SLCO3A1: variants seen among roughly 807,000 people sequenced by gnomAD.
The protein encoded by SLCO3A1 is solute carrier organic anion transporter family member 3A1.
Under a neutral mutation model 63.1 loss-of-function variants are expected in SLCO3A1, and 27 were observed. The observed-to-expected ratio is 0.43, with a 90% CI of 0.32 to 0.59. SLCO3A1 has a LOEUF of 0.59. Among genes scored for constraint, SLCO3A1 ranks in the 20% least tolerant of loss-of-function variants. The pLI, the probability that SLCO3A1 is intolerant of heterozygous loss-of-function variation, is 0.09. For synonymous variants in SLCO3A1, 473 were observed against 409.9 expected (o/e 1.15, Z -1.86); for missense variants, 773 against 945.8 (o/e 0.82, Z 2.40).
intron 1 of SLCO3A1, chr15:91,889,319 T>C (rs77947211): frequency 0.034 from 14,932 of 439,076 alleles, 604 homozygotes; most frequent in Admixed American, 0.11. Flanking sequence ...CTATCTCCCC[T>C]AAGGCTGTTA....
chr15:91,996,668 C>A (rs2046195965), intron 2 of SLCO3A1, among the ~76,000 whole-genome samples: 1 of 151,992 alleles, frequency 6.6e-6, no homozygotes, highest in Admixed American at 6.5e-5. Context: ...ATTTGAACTG[C>A]CTAATGTGCT....
intron 2 of SLCO3A1, among the ~76,000 whole-genome samples, chr15:92,044,441 C>A (rs2046835900): frequency 6.6e-6 from 1 of 152,070 alleles, no homozygotes; most frequent in Non-Finnish European, 1.5e-5. Flanking sequence ...CCTGCCACAT[C>A]CTCATTCTCT....
At chr15:92,165,956 A>C, downstream of SLCO3A1, 1 of 934,760 alleles carries the variant, frequency 1.1e-6, no homozygotes, top group Non-Finnish European at 1.3e-6. Context: ...TCAGCTGAAC[A>C]TGCCCAGGGT....
intron 7 of SLCO3A1, among the ~76,000 whole-genome samples, chr15:92,143,916 T>C (rs1236484141): frequency 6.6e-6 from 1 of 152,148 alleles, no homozygotes; most frequent in Non-Finnish European, 1.5e-5. Context: ...TCAGGAGATC[T>C]GATGGGCACT....
chr15:91,902,177 T>A (rs1898175167), intron 1 of SLCO3A1, among the ~76,000 whole-genome samples: 1 of 152,180 alleles, frequency 6.6e-6, no homozygotes, highest in South Asian at 2.1e-4. Context: ...TTCCTTTTTT[T>A]AAGAAAAATA....
intron 2 of SLCO3A1, among the ~76,000 whole-genome samples, chr15:92,080,204 C>T (rs1249177597): frequency 6.6e-6 from 1 of 152,164 alleles, no homozygotes; most frequent in Non-Finnish European, 1.5e-5. Context: ...ACAAATTATT[C>T]TCCATGAGGC....
At chr15:92,075,630 G>C (rs2047267364) in intron 2 of SLCO3A1, among the ~76,000 whole-genome samples, 1 of 152,188 alleles carries the variant, frequency 6.6e-6, no homozygotes, top group South Asian at 2.1e-4. Flanking sequence ...CAGATAGTTT[G>C]GCCATGTTGA....
At chr15:91,936,942 T>G (rs1398561405) in intron 2 of SLCO3A1, among the ~76,000 whole-genome samples, 1 of 152,200 alleles carries the variant, frequency 6.6e-6, no homozygotes, top group Non-Finnish European at 1.5e-5. Flanking sequence ...CACATAAGGC[T>G]TTCCATTTAA....
intron 4 of SLCO3A1, among the ~76,000 whole-genome samples, chr15:92,115,815 CAAA>C (rs765666191): frequency 1.0e-4 from 9 of 86,714 alleles, no homozygotes; most frequent in African/African-American, 2.2e-4. Flanking sequence ...TCTCTTCCCT[CAAA>C]AAAAAAAAAA....
chr15:92,059,431 C>T (rs1029176645), intron 2 of SLCO3A1, among the ~76,000 whole-genome samples: 11 of 152,220 alleles, frequency 7.2e-5, no homozygotes, highest in African/African-American at 1.7e-4. Flanking sequence ...AGGAGTGTCA[C>T]ATTCCCCATG....
At chr15:92,015,095 G>A (rs2046410669) in intron 2 of SLCO3A1, among the ~76,000 whole-genome samples, 1 of 152,162 alleles carries the variant, frequency 6.6e-6, no homozygotes, top group Non-Finnish European at 1.5e-5. Flanking sequence ...AGTTTCAGGT[G>A]GGAGAGCTCT....
intron 2 of SLCO3A1, among the ~76,000 whole-genome samples, chr15:92,065,418 A>G (rs1038029107): frequency 1.3e-5 from 2 of 152,204 alleles, no homozygotes; most frequent in East Asian, 1.9e-4. Flanking sequence ...TACACATGAT[A>G]TGCTTGTATC....
chr15:91,944,888 T>A (rs1899750330), intron 2 of SLCO3A1, among the ~76,000 whole-genome samples: 1 of 152,186 alleles, frequency 6.6e-6, no homozygotes, highest in African/African-American at 2.4e-5. Flanking sequence ...TTAAGCTTTC[T>A]GTAGTACATG....
intron 4 of SLCO3A1, among the ~76,000 whole-genome samples, chr15:92,107,502 C>T (rs775020669): frequency 6.6e-6 from 1 of 152,234 alleles, no homozygotes; most frequent in Non-Finnish European, 1.5e-5. Context: ...GGAAAACCCA[C>T]GCTGCAAATG....
chr15:92,095,991 A>T (rs530381170), intron 3 of SLCO3A1, among the ~76,000 whole-genome samples: 80 of 152,236 alleles, frequency 5.3e-4, no homozygotes, highest in African/African-American at 1.9e-3. Flanking sequence ...ATAACCCCAA[A>T]CCTAATGACC....
chr15:92,041,975 G>A (rs1157685743), intron 2 of SLCO3A1, among the ~76,000 whole-genome samples: 1 of 152,112 alleles, frequency 6.6e-6, no homozygotes, highest in Non-Finnish European at 1.5e-5. Context: ...ATGGCCATGA[G>A]GCTCAGCTTC....
At chr15:92,078,987 C>A (rs1212676371) in intron 2 of SLCO3A1, among the ~76,000 whole-genome samples, 1 of 152,222 alleles carries the variant, frequency 6.6e-6, no homozygotes, top group Non-Finnish European at 1.5e-5. Flanking sequence ...AACAGTTTAT[C>A]TTGTGTACCA....
intron 2 of SLCO3A1, among the ~76,000 whole-genome samples, chr15:92,042,696 T>C (rs1483807750): frequency 1.3e-5 from 2 of 152,108 alleles, no homozygotes; most frequent in Admixed American, 6.5e-5. Flanking sequence ...GTTCACCAGA[T>C]AGCTGAGGGA....
In SLCO3A1 at chr15:91,902,900, T is replaced by G. The variant is rs150654149; in HGVS notation, c.181-13093T>G. Among the ~76,000 whole-genome samples the G allele has an allele frequency of 3.5e-3, 533 of 152,352 alleles. 2 individuals are homozygous for G. Among genetic ancestry groups the G allele is most frequent in the African/African-American group, 0.012 (500 of 41,588 alleles). On this transcript the variant is annotated intron_variant, in intron 1 of 9. Transcript: ENST00000318445. ...GGACAAATGACTTAACTTTTGTGCT[T>G]CTGTATCTTCATCTGCAAATTCGAA...
Sources: gnomAD v4.1 joint callset for allele counts (sites outside exome capture counted in the v4.1 genomes callset) on GRCh38, gnomAD v4.1.1 for gene constraint, MANE v1.5 for transcripts, NCBI Gene and HGNC (gene_info 2026-07-23, HGNC 2026-07-21) for gene names.